Variants in GPATCH1 observed in about 807,000 individuals in gnomAD.
GPATCH1 encodes G-patch domain containing 1.
GPATCH1 carries 73 observed loss-of-function variants against 114.9 expected under a neutral mutation model. The ratio of observed to expected loss-of-function variants is 0.64; its 90% CI spans 0.53 to 0.77. The LOEUF is 0.77. GPATCH1 is among the 30% of genes least tolerant of loss of function. The pLI, the probability that GPATCH1 is intolerant of heterozygous loss-of-function variation, is 0.00. For synonymous variants in GPATCH1, 391 were observed against 428.4 expected (o/e 0.91, Z 1.08); for missense variants, 1,058 against 1,144.3 (o/e 0.92, Z 1.09).
chr19:33,117,085 AC>A (rs768800957), intron 15 of GPATCH1, among the ~76,000 whole-genome samples: 6 of 151,980 alleles, frequency 3.9e-5, no homozygotes, highest in Admixed American at 2.0e-4. Flanking sequence ...GGTCCCAGCT[AC>A]TCAAGGGGCT....
At position 33,106,683 on chromosome 19, in the gene GPATCH1, T is replaced by C; in HGVS notation, c.1081-12T>C. The C allele has an allele frequency of 6.2e-7, 1 of 1,606,788 alleles. No homozygotes were observed. Among genetic ancestry groups the C allele is most frequent in the Non-Finnish European group, 8.5e-7 (1 of 1,174,702 alleles). ...AGCCTGTATTTTCTGGGTTTTGTCT[T>C]GGTTTGTTAAGATCTATCCACCTCC... On this transcript the variant is annotated splice_polypyrimidine_tract_variant and intron_variant, in intron 9 of 19. Coordinates refer to ENST00000170564, the MANE Select transcript of GPATCH1 (RefSeq NM_018025.3).
intron 17 of GPATCH1, among the ~76,000 whole-genome samples, chr19:33,119,909 A>G (rs1972957913): frequency 6.9e-6 from 1 of 145,658 alleles, no homozygotes; most frequent in Non-Finnish European, 1.5e-5. Context: ...ATACAAAATT[A>G]TATATTTTAT....
chr19:33,087,585 G>A (rs1020679580), intron 1 of GPATCH1, among the ~76,000 whole-genome samples: 1 of 152,082 alleles, frequency 6.6e-6, no homozygotes, highest in African/African-American at 2.4e-5. Flanking sequence ...AGGTATGGAA[G>A]TGTATCTCTC....
intron 1 of GPATCH1, among the ~76,000 whole-genome samples, chr19:33,085,380 C>T (rs570544253): frequency 2.0e-5 from 3 of 152,140 alleles, no homozygotes; most frequent in South Asian, 2.1e-4. Flanking sequence ...CCACCATGCC[C>T]GGCTAATTTT....
At chr19:33,101,797 A>G (rs1972729241) in intron 9 of GPATCH1, among the ~76,000 whole-genome samples, 1 of 152,150 alleles carries the variant, frequency 6.6e-6, no homozygotes, top group Admixed American at 6.6e-5. Flanking sequence ...TGGGAGGCCA[A>G]GGTGGGTGGA....
intron 18 of GPATCH1, 125 bp downstream of exon 18, chr19:33,125,327 T>A: frequency 9.6e-7 from 1 of 1,046,890 alleles, no homozygotes; most frequent in Non-Finnish European, 1.4e-6. Flanking sequence ...CTCTGAGACT[T>A]AACAGAAATG....
At chr19:33,111,975 C>T (rs3786933) in intron 12 of GPATCH1, 73 bp downstream of exon 12, 377,883 of 1,223,270 alleles carry the variant, frequency 0.31, 70,921 homozygotes, top group African/African-American at 0.73. Context: ...TAGTTTTTTC[C>T]TTTTTTTTGA....
Position 33,091,770 on chromosome 19 carries a change from G to T in GPATCH1, c.294+905G>T, listed in dbSNP as rs1273148287. 2.0e-5 allele frequency among the ~76,000 whole-genome samples: 3 copies of T among 152,142 alleles called. No homozygotes were observed. In the South Asian group the frequency reaches 6.2e-4, roughly 32 times the overall value. ...AACTTAAAAGTTGAAGGAAAAAAAA[G>T]ATTAAATAAAACATTTATATCAGCA... On this transcript the variant is annotated intron_variant, in intron 3 of 19. Transcript: ENST00000170564.
At chr19:33,124,199 G>A (rs1973016071) in intron 17 of GPATCH1, among the ~76,000 whole-genome samples, 1 of 151,898 alleles carries the variant, frequency 6.6e-6, no homozygotes, top group African/African-American at 2.4e-5. Flanking sequence ...GCCTTTCACT[G>A]CTTCTACTAT....
chr19:33,110,057 G>C (rs367544478), intron 11 of GPATCH1, 41 bp downstream of exon 11: 5 of 1,519,208 alleles, frequency 3.3e-6, no homozygotes, highest in Non-Finnish European at 4.5e-6. Flanking sequence ...CGGCCCGGGC[G>C]GGGTCATATT....
At position 33,111,720 on chromosome 19, in the gene GPATCH1, G is replaced by A. The variant is rs374051677; in HGVS notation, c.1586-4G>A. 36 of 1,612,932 alleles carry A rather than the reference G, an allele frequency of 2.2e-5. No homozygotes were observed. The highest frequency in any genetic ancestry group is 3.3e-5 in the Admixed American group (2 of 59,800). On this transcript the variant is annotated splice_polypyrimidine_tract_variant and splice_region_variant and intron_variant, in intron 11 of 19. Coordinates refer to ENST00000170564, the MANE Select transcript of GPATCH1 (RefSeq NM_018025.3). ...AAGCTGCTTCTTGTTCTCTGCCCCCGCAGATGCTCTGGAACGCTGTCTGGA... is the reference window on the plus strand; with the variant it reads ...AAGCTGCTTCTTGTTCTCTGCCCCCACAGATGCTCTGGAACGCTGTCTGGA...
At chr19:33,085,321 C>CT (rs1972524427) in intron 1 of GPATCH1, among the ~76,000 whole-genome samples, 1 of 152,012 alleles carries the variant, frequency 6.6e-6, no homozygotes, top group South Asian at 2.1e-4. Flanking sequence ...AAGCGATCCT[C>CT]CCAGCTCAGC....
rs1475777563 is a variant in GPATCH1, at chr19:33,101,491, G to T, written c.1001-4G>T. On this transcript the variant is annotated splice_polypyrimidine_tract_variant and splice_region_variant and intron_variant, in intron 8 of 19. Transcript: ENST00000170564. ...TGGAATTAATCTATGACATCATTTT[G>T]TAGAATCAGAGAAAGACCTTCGGTA... 7.2e-6 allele frequency: 11 copies of T among 1,527,158 alleles called. No individual in the cohort carries two copies. The African/African-American group carries it at 1.5e-4, about 21-fold the overall frequency. 94.6% of individuals were successfully genotyped at this position (1,527,158 alleles called of 1,614,324 possible).
intron 19 of GPATCH1, among the ~76,000 whole-genome samples, chr19:33,127,339 A>C (rs1162588376): frequency 6.6e-6 from 1 of 151,786 alleles, no homozygotes; most frequent in Non-Finnish European, 1.5e-5. Context: ...TAACACAGAG[A>C]AACCCCGTCT....
At chr19:33,117,516 G>C (rs773819381) in intron 15 of GPATCH1, among the ~76,000 whole-genome samples, 16 of 152,006 alleles carry the variant, frequency 1.1e-4, no homozygotes, top group Admixed American at 2.0e-4. Flanking sequence ...GGATGGTCTC[G>C]ATCTCCTGAC....
intron 8 of GPATCH1, 100 bp from the exon 9 acceptor site, chr19:33,101,395 C>A (rs10410778): frequency 0.35 from 248,719 of 716,882 alleles, 52,723 homozygotes; most frequent in African/African-American, 0.73. Context: ...ATGACACGTA[C>A]TATTTATGTT....
Position 33,117,817 on chromosome 19 carries a change from C to A in GPATCH1, c.2197-8C>A. The A allele has an allele frequency of 5.0e-6, 8 of 1,604,002 alleles. No individual in the cohort carries two copies. Among genetic ancestry groups the A allele is most frequent in the Non-Finnish European group, 6.8e-6 (8 of 1,171,942 alleles). On this transcript the variant is annotated splice_region_variant and splice_polypyrimidine_tract_variant and intron_variant, in intron 15 of 19. Coordinates refer to ENST00000170564, the MANE Select transcript of GPATCH1 (RefSeq NM_018025.3). ...GTATCCCTGACTCTTATTTCACTGT[C>A]AATACAGACCGTCAACAAAGATGTG...
At chr19:33,094,814 G>T (rs2145309411) in intron 5 of GPATCH1, among the ~76,000 whole-genome samples, 1 of 152,204 alleles carries the variant, frequency 6.6e-6, no homozygotes, top group African/African-American at 2.4e-5. Flanking sequence ...TTATGCTGTG[G>T]GGCAGTATTG....
At chr19:33,120,709 G>C (rs990953402) in intron 17 of GPATCH1, among the ~76,000 whole-genome samples, 1 of 151,868 alleles carries the variant, frequency 6.6e-6, no homozygotes, top group Non-Finnish European at 1.5e-5. Context: ...AAAAAAAAAG[G>C]GTGGGCACGG....
Sources: gnomAD v4.1 joint callset for allele counts (sites outside exome capture counted in the v4.1 genomes callset) on GRCh38, gnomAD v4.1.1 for gene constraint, MANE v1.5 for transcripts, NCBI Gene and HGNC (gene_info 2026-07-23, HGNC 2026-07-21) for gene names.